The following IGF2BP2 variants were observed in gnomAD, a reference collection of about 807,000 sequenced individuals.
The protein encoded by IGF2BP2 is insulin like growth factor 2 mRNA binding protein 2.
Under a neutral mutation model 75.8 loss-of-function variants are expected in IGF2BP2, and 17 were observed. That is an observed-to-expected ratio of 0.22 (90% confidence interval 0.15 to 0.34). The LOEUF (loss-of-function observed/expected upper bound fraction) is 0.34, where lower values mean the gene tolerates loss of function less well. Among genes scored for constraint, IGF2BP2 ranks in the 10% least tolerant of loss-of-function variants. The probability of loss-of-function intolerance (pLI) is 1.00; values close to 1 mark genes in which losing one functional copy is unlikely to be tolerated. For missense variants in IGF2BP2, 516 were observed against 772.4 expected, an observed-to-expected ratio of 0.67 and a Z score of 3.93; for synonymous variants, 288 against 295.6, an observed-to-expected ratio of 0.97 and a Z score of 0.26.
In IGF2BP2 at chr3:185,656,596, G is replaced by A. The variant is rs74338089; in HGVS notation, c.1386+690C>T. On this transcript the variant is annotated intron_variant, in intron 12 of 15. Transcript: ENST00000382199. Reference sequence around the variant, plus strand: ...CTCTGTTTCCGAAAATGTTTCATGAGGCTTGGGACGTGCTCAGCATTCTGC... The same window carrying A: ...CTCTGTTTCCGAAAATGTTTCATGAAGCTTGGGACGTGCTCAGCATTCTGC... 1.9e-3 allele frequency among the ~76,000 whole-genome samples: 295 copies of A among 152,294 alleles called. 1 individual carries two copies. Among genetic ancestry groups the A allele is most frequent in the African/African-American group, 6.7e-3 (277 of 41,558 alleles).
chr3:185,666,156 G>A (rs1032192386), intron 10 of IGF2BP2, among the ~76,000 whole-genome samples: 2 of 152,116 alleles, frequency 1.3e-5, no homozygotes, highest in Non-Finnish European at 2.9e-5. Context: ...AATTATACTC[G>A]TGCTATTTCT....
In IGF2BP2 at chr3:185,747,536, A is replaced by T. The variant is rs1730404961; in HGVS notation, c.240-49189T>A. ...TCTACTAAAAATATAAAAATTAGCC[A>T]AGCATGGTGGCACCTGCCTGTAATC... On this transcript the variant is annotated intron_variant, in intron 2 of 15. Transcript: ENST00000382199. Among the ~76,000 whole-genome samples, 4 of 151,984 alleles carry T rather than the reference A, an allele frequency of 2.6e-5. No individual in the cohort carries two copies. In the South Asian group the frequency reaches 8.3e-4, roughly 32 times the overall value.
In IGF2BP2 at chr3:185,721,016, CAT is replaced by C. The variant is rs1004872583; in HGVS notation, c.240-22671_240-22670del. Among the ~76,000 whole-genome samples, 10 of 152,252 alleles carry C rather than the reference CAT, an allele frequency of 6.6e-5. No homozygotes were observed. In the South Asian group the frequency reaches 1.2e-3, roughly 19 times the overall value. ...AGTTGTGTGTGCACACGCTTGCACACATGTGAGTGGGCAGATGTCAGGAAGCA... is the reference window on the plus strand; with the variant it reads ...AGTTGTGTGTGCACACGCTTGCACACGTGAGTGGGCAGATGTCAGGAAGCA... On this transcript the variant is annotated intron_variant, in intron 2 of 15. Transcript: ENST00000382199.
At chr3:185,821,614 C>G (rs533740002) in intron 2 of IGF2BP2, among the ~76,000 whole-genome samples, 2 of 151,974 alleles carry the variant, frequency 1.3e-5, no homozygotes, top group South Asian at 4.2e-4. Flanking sequence ...AAATGAGACA[C>G]CAACTAAGAT....
At chr3:185,689,958 A>C in intron 5 of IGF2BP2, among the ~76,000 whole-genome samples, 1 of 97,700 alleles carries the variant, frequency 1.0e-5, no homozygotes, top group Non-Finnish European at 2.1e-5. Context: ...ACAGAGCGAG[A>C]CTCCGTCTCA....
chr3:185,752,069 C>T (rs1453114890), intron 2 of IGF2BP2, among the ~76,000 whole-genome samples: 1 of 152,268 alleles, frequency 6.6e-6, no homozygotes, highest in Non-Finnish European at 1.5e-5. Context: ...CAATCTTCTT[C>T]ACTTAGTATA....
rs763745671 is a variant in IGF2BP2, at chr3:185,658,296, C to A, written c.1269+45G>T. On this transcript the variant is annotated intron_variant, in intron 11 of 15. Transcript: ENST00000382199. ...GCCACCAAGGGCCAAGTGGGCCTAG[C>A]CCCAGGAGAAGTGGCAGGTGCGGCT... 18 of 1,570,106 alleles carry A rather than the reference C, an allele frequency of 1.1e-5. 1 individual carries two copies. The South Asian group carries it at 1.2e-4, about 11-fold the overall frequency.
intron 2 of IGF2BP2, among the ~76,000 whole-genome samples, chr3:185,788,589 T>C (rs1416744328): frequency 1.3e-5 from 2 of 152,142 alleles, no homozygotes; most frequent in African/African-American, 2.4e-5. Context: ...CAGTCAACCA[T>C]AGTTTTTGAG....
chr3:185,824,630 C>G (rs1016156247), intron 1 of IGF2BP2, among the ~76,000 whole-genome samples, 153 bp downstream of exon 1: 12 of 151,678 alleles, frequency 7.9e-5, no homozygotes, highest in Non-Finnish European at 1.8e-4. Context: ...AGGAGCGGGC[C>G]GGCGGCGAGA....
chr3:185,651,910 G>T (rs1270205299), intron 13 of IGF2BP2, among the ~76,000 whole-genome samples, 184 bp downstream of exon 13: 1 of 152,176 alleles, frequency 6.6e-6, no homozygotes, highest in East Asian at 1.9e-4. Flanking sequence ...GGGAAAGAGG[G>T]CTTCCCAGCA....
chr3:185,675,657 A>T, intron 8 of IGF2BP2, 134 bp downstream of exon 8: 2 of 1,242,116 alleles, frequency 1.6e-6, no homozygotes, highest in Non-Finnish European at 2.3e-6. Flanking sequence ...GTATTTTTTT[A>T]AAAGATGATG....
rs111492586 is a variant in IGF2BP2 at position 185,647,241 on chromosome 3, G to A, written c.1594-103C>T. Reference sequence around the variant, plus strand: ...CCAAGAGGTGGAGCAGGGGAAGGAGGGGGGCTGGACTCTGCTCTCCTTTCC... The same window carrying A: ...CCAAGAGGTGGAGCAGGGGAAGGAGAGGGGCTGGACTCTGCTCTCCTTTCC... On this transcript the variant is annotated intron_variant, in intron 14 of 15. Transcript: ENST00000382199. This position sits in a 1 kb window ranked among gnomAD's most constrained non-coding sequence, Gnocchi z 4.9. 15 of 844,632 alleles carry A rather than the reference G, an allele frequency of 1.8e-5. No individual in the cohort carries two copies. In the East Asian group the frequency reaches 2.9e-4, roughly 16 times the overall value. The allele number at this position is 844,632 out of a possible 1,614,324, so 52.3% of individuals were successfully genotyped here. A position where few individuals can be genotyped will look rare whatever the true frequency, so the allele number is the denominator to read the frequency against.
intron 2 of IGF2BP2, among the ~76,000 whole-genome samples, chr3:185,719,841 A>C (rs983363165): frequency 1.3e-5 from 2 of 152,082 alleles, no homozygotes; most frequent in Non-Finnish European, 2.9e-5. Flanking sequence ...CTCAAAAAAG[A>C]AAGGAAGGAA....
At chr3:185,722,101 TC>T in intron 2 of IGF2BP2, 7 of 344,934 alleles carry the variant, frequency 2.0e-5, no homozygotes, top group East Asian at 8.8e-5. Flanking sequence ...ATTTTTTTTT[TC>T]TTTTTTTTTT....
Position 185,742,656 on chromosome 3 carries a change from C to CA in IGF2BP2, c.240-44310dup, listed in dbSNP as rs1055882057. Among the ~76,000 whole-genome samples, 89 of 149,204 alleles carry CA rather than the reference C, an allele frequency of 6.0e-4. 1 individual carries two copies. The highest frequency in any genetic ancestry group is 4.2e-4 in the South Asian group (2 of 4,722). On this transcript the variant is annotated intron_variant, in intron 2 of 15. Coordinates refer to ENST00000382199, the MANE Select transcript of IGF2BP2 (RefSeq NM_006548.6). ...TGGATGACAGAGTGAGATCTCATCT[C>CA]AAAAAAAATAAAAATAAAAGTGAAA... is the stretch of plus-strand genomic sequence containing the variant.
chr3:185,768,993 C>G (rs1733490757), intron 2 of IGF2BP2, among the ~76,000 whole-genome samples: 1 of 152,184 alleles, frequency 6.6e-6, no homozygotes. Context: ...CGCCACTGCA[C>G]TCCAGCCTGG....
At chr3:185,689,885 G>A (rs1042307439) in intron 5 of IGF2BP2, among the ~76,000 whole-genome samples, 2 of 150,394 alleles carry the variant, frequency 1.3e-5, no homozygotes, top group Admixed American at 6.6e-5. Context: ...GGAGAATGGC[G>A]TGAACCCGGG....
At chr3:185,774,175 T>C (rs1734232882) in intron 2 of IGF2BP2, among the ~76,000 whole-genome samples, 1 of 152,136 alleles carries the variant, frequency 6.6e-6, no homozygotes, top group Admixed American at 6.5e-5. Context: ...GAGGCGGGTA[T>C]GGACAGTCTA....
intron 2 of IGF2BP2, among the ~76,000 whole-genome samples, chr3:185,789,494 T>C (rs755993876): frequency 6.6e-6 from 1 of 152,032 alleles, no homozygotes; most frequent in Non-Finnish European, 1.5e-5. Flanking sequence ...TCCCCTTCCA[T>C]GTAGAGGAAG....
Sources: allele counts gnomAD v4.1 joint callset (sites outside exome capture counted in the v4.1 genomes callset), GRCh38; gene constraint gnomAD v4.1.1; non-coding constraint Gnocchi (gnomAD v3.1); transcripts MANE v1.5; gene names NCBI Gene and HGNC (gene_info 2026-07-23, HGNC 2026-07-21).